Variants in ZNF385D observed in about 807,000 individuals in gnomAD.
The protein encoded by ZNF385D is zinc finger protein 385D, also known as zinc finger protein 659.
Under a neutral mutation model 35.8 loss-of-function variants are expected in ZNF385D, and 15 were observed. The observed-to-expected ratio is 0.42, with a 90% CI of 0.28 to 0.64. ZNF385D has a LOEUF of 0.64. Ranked by LOEUF, ZNF385D falls within the 30% of genes least tolerant of loss-of-function variation. ZNF385D has a pLI of 0.23. For missense variants in ZNF385D, 474 were observed against 494.6 expected (o/e 0.96, Z 0.39); for synonymous variants, 212 against 186.8 (o/e 1.13, Z -1.10).
intron 3 of ZNF385D, among the ~76,000 whole-genome samples, chr3:21,894,696 A>T (rs1318168037): frequency 6.6e-6 from 1 of 152,164 alleles, no homozygotes; most frequent in Non-Finnish European, 1.5e-5. Flanking sequence ...ACAGATCTGA[A>T]ATGTCTATTT....
Position 22,096,781 on chromosome 3 carries a change from T to C in ZNF385D, c.325+72036A>G, listed in dbSNP as rs187362941. Among the ~76,000 whole-genome samples the C allele has an allele frequency of 1.3e-3, 194 of 152,202 alleles. 1 individual carries two copies. The highest frequency in any genetic ancestry group is 4.5e-3 in the African/African-American group (189 of 41,572). ...TGGGTTAACTAGAAAATGACTAGTA[T>C]TGATATCTGCGGAGTTTTAAAAATA... On this transcript the variant is annotated intron_variant, in intron 3 of 5. Transcript: ENST00000494108.
chr3:21,904,931 T>C (rs1462702657), intron 3 of ZNF385D, among the ~76,000 whole-genome samples: 2 of 152,084 alleles, frequency 1.3e-5, no homozygotes, highest in Admixed American at 6.6e-5. Context: ...TATTCTAGAA[T>C]ATGGGTTTAT....
intron 3 of ZNF385D, chr3:21,978,220 G>A (rs1285599540): frequency 1.3e-5 from 2 of 152,140 alleles, no homozygotes; most frequent in Non-Finnish European, 2.9e-5. Context: ...TCTAGATTCA[G>A]CTTCTTGAGA....
chr3:21,732,807 A>AT (rs768218406), intron 1 of ZNF385D, among the ~76,000 whole-genome samples: 1 of 151,984 alleles, frequency 6.6e-6, no homozygotes, highest in African/African-American at 2.4e-5. Context: ...TATCAGAAAT[A>AT]TTTTTTTGCA....
chr3:21,664,889 A>C lies in ZNF385D; in HGVS notation c.162T>G (p.Asn54Lys). ...AAAVNLFPNF[N>K]AMDPIQKAVI... ...GACAAATTTGGCAGGTACTTACCGCATTGAAATTGGGGAAGAGGTTGACTG... is the reference window on the plus strand; with the variant it reads ...GACAAATTTGGCAGGTACTTACCGCCTTGAAATTGGGGAAGAGGTTGACTG... The change falls in exon 2 of 8, where the codon AAT becomes AAG. Residue 54 changes from asparagine to lysine, a missense_variant. Coordinates refer to ENST00000281523, the MANE Select transcript of ZNF385D (RefSeq NM_024697.3). The C allele has an allele frequency of 6.2e-7, 1 of 1,613,652 alleles. No homozygotes were observed. The highest frequency in any genetic ancestry group is 8.5e-7 in the Non-Finnish European group (1 of 1,179,666).
chr3:21,572,706 A>G (rs1480968208), intron 2 of ZNF385D, among the ~76,000 whole-genome samples: 1 of 152,208 alleles, frequency 6.6e-6, no homozygotes, highest in Non-Finnish European at 1.5e-5. Flanking sequence ...GACCCTTATG[A>G]TGAGTGAGAA....
chr3:22,302,390 T>C (rs564784154), intron 2 of ZNF385D, among the ~76,000 whole-genome samples: 14 of 151,548 alleles, frequency 9.2e-5, no homozygotes, highest in East Asian at 5.8e-4. Context: ...TATATATATA[T>C]ACATTATATA....
At chr3:22,114,341 G>A (rs1702700982) in intron 3 of ZNF385D, among the ~76,000 whole-genome samples, 1 of 152,086 alleles carries the variant, frequency 6.6e-6, no homozygotes, top group African/African-American at 2.4e-5. Flanking sequence ...TAAACAGTCT[G>A]TATTTGGTAA....
In ZNF385D at chr3:21,539,836, T is replaced by C. The variant is rs988098757; in HGVS notation, c.276+24738A>G. ...GGCTTGGAGAAATAAGAAATATTTT[T>C]ACTACAAACACAGCATAAGAGTAAT... On this transcript the variant is annotated intron_variant, in intron 3 of 7. Coordinates refer to ENST00000281523, the MANE Select transcript of ZNF385D (RefSeq NM_024697.3). This position sits in a 1 kb window ranked among gnomAD's most constrained non-coding sequence, Gnocchi z 4.0. Among the ~76,000 whole-genome samples the C allele has an allele frequency of 6.6e-6, 1 of 152,166 alleles. No individual in the cohort carries two copies. The highest frequency in any genetic ancestry group is 1.5e-5 in the Non-Finnish European group (1 of 68,004).
rs537158461 is a variant in ZNF385D, at chr3:22,224,540, C to T, written c.107-55505G>A. The stretch of plus-strand genomic sequence containing the variant: ...CAGTGTATATTAAACAAAACTGCAG[C>T]GACTGGCAAAGGATAATGAAATGAT... On this transcript the variant is annotated intron_variant, in intron 2 of 5. Coordinates refer to the ZNF385D transcript ENST00000494108. Among the ~76,000 whole-genome samples, 82 of 152,146 alleles carry T rather than the reference C, an allele frequency of 5.4e-4. 1 individual carries two copies. The South Asian group carries it at 0.015, about 29-fold the overall frequency.
chr3:22,301,897 T>C (rs2125413006), intron 2 of ZNF385D, among the ~76,000 whole-genome samples: 1 of 152,252 alleles, frequency 6.6e-6, no homozygotes, highest in South Asian at 2.1e-4. Flanking sequence ...TTATTCTTTG[T>C]AGTATATTGT....
At chr3:22,098,564 T>C (rs1003666871) in intron 3 of ZNF385D, among the ~76,000 whole-genome samples, 2 of 152,002 alleles carry the variant, frequency 1.3e-5, no homozygotes, top group Non-Finnish European at 2.9e-5. Context: ...CAACAGCAAG[T>C]AGAGGATTTT....
At chr3:22,191,488 A>AG (rs1329680934) in intron 2 of ZNF385D, among the ~76,000 whole-genome samples, 2 of 143,690 alleles carry the variant, frequency 1.4e-5, no homozygotes, top group African/African-American at 5.2e-5. Flanking sequence ...ACTCCATCTA[A>AG]GAAAAAAAAA....
rs541860945 is a variant in ZNF385D, at chr3:22,353,351, C to T, written c.106+19099G>A. ...CTCCTGGACCATGACCATGCCCAAG[C>T]AGCATCAGGTTGTCATCCAGGTCAG... On this transcript the variant is annotated intron_variant, in intron 2 of 5. Transcript: ENST00000494108. 5.3e-5 allele frequency among the ~76,000 whole-genome samples: 8 copies of T among 152,296 alleles called. No individual in the cohort carries two copies. The South Asian group carries it at 1.7e-3, about 32-fold the overall frequency.
intron 2 of ZNF385D, among the ~76,000 whole-genome samples, chr3:22,318,982 A>G (rs940779930): frequency 2.0e-5 from 3 of 152,162 alleles, no homozygotes; most frequent in Admixed American, 6.5e-5. Context: ...AGCTGTGACT[A>G]TTTTTCTTAT....
rs140284136 is a variant in ZNF385D at position 21,727,328 on chromosome 3, C to G, written c.22+23567G>C. On this transcript the variant is annotated intron_variant, in intron 1 of 7. Coordinates refer to ENST00000281523, the MANE Select transcript of ZNF385D (RefSeq NM_024697.3). Reference sequence around the variant, plus strand: ...AAAAGCCAAAATTGACAAATGGTATCTAATTAAACTAAAGACCTTCTGCAC... The same window carrying G: ...AAAAGCCAAAATTGACAAATGGTATGTAATTAAACTAAAGACCTTCTGCAC... 4.1e-3 allele frequency among the ~76,000 whole-genome samples: 626 copies of G among 152,248 alleles called. 8 individuals are homozygous for G. The highest frequency in any genetic ancestry group is 0.014 in the African/African-American group (595 of 41,560).
At position 22,294,482 on chromosome 3, in the gene ZNF385D, T is replaced by C. The variant is rs62247263; in HGVS notation, c.106+77968A>G. 4.8e-3 allele frequency among the ~76,000 whole-genome samples: 730 copies of C among 152,230 alleles called. 3 individuals carry two copies. The highest frequency in any genetic ancestry group is 8.3e-3 in the Non-Finnish European group (563 of 67,980). ...TTTATCGTATATAATATATAATGGG[T>C]ATTATATATCAGTATGTATTAGGGA... On this transcript the variant is annotated intron_variant, in intron 2 of 5. Coordinates refer to the ZNF385D transcript ENST00000494108.
chr3:22,150,331 C>T lies in ZNF385D; in HGVS notation c.325+18486G>A, dbSNP rs79320122. On this transcript the variant is annotated intron_variant, in intron 3 of 5. Coordinates refer to the ZNF385D transcript ENST00000494108. ...GTTATATATGTATGTATTTATAAAACATGAATAGTTTTGCTTTATTTATAT... is the reference window on the plus strand; with the variant it reads ...GTTATATATGTATGTATTTATAAAATATGAATAGTTTTGCTTTATTTATAT... 6.1e-3 allele frequency among the ~76,000 whole-genome samples: 928 copies of T among 152,088 alleles called. 9 individuals are homozygous for T. Among genetic ancestry groups the T allele is most frequent in the African/African-American group, 0.022 (894 of 41,492 alleles).
intron 2 of ZNF385D, among the ~76,000 whole-genome samples, chr3:22,252,054 T>C (rs1312959751): frequency 6.6e-6 from 1 of 152,048 alleles, no homozygotes; most frequent in Non-Finnish European, 1.5e-5. Context: ...AATCGATACA[T>C]AAGAATAAGG....
Sources: gnomAD v4.1 joint callset for allele counts (sites outside exome capture counted in the v4.1 genomes callset) on GRCh38, gnomAD v4.1.1 for gene constraint, Gnocchi (gnomAD v3.1) non-coding constraint, MANE v1.5 for transcripts, NCBI Gene and HGNC (gene_info 2026-07-23, HGNC 2026-07-21) for gene names.